The following HYAL4 variants were observed in gnomAD, a reference collection of about 807,000 sequenced individuals.
HYAL4 encodes hyaluronidase 4.
A neutral mutation model predicts 35.2 loss-of-function variants in HYAL4; 37 were observed. That is an observed-to-expected ratio of 1.05 (90% CI 0.81 to 1.38). The LOEUF (loss-of-function observed/expected upper bound fraction) is 1.38, where lower values mean the gene tolerates loss of function less well. HYAL4 is among the 40% of genes most tolerant of loss of function. HYAL4 has a pLI of 0.00. For missense variants in HYAL4, 572 were observed against 572.4 expected (o/e 1.00, Z 0.01); for synonymous variants, 198 against 203.2 (o/e 0.97, Z 0.22).
the HYAL4 span, among the ~76,000 whole-genome samples, chr7:123,778,735 C>T: frequency 1.7e-4 from 26 of 152,148 alleles, no homozygotes; most frequent in African/African-American, 6.3e-4. Flanking sequence ...GATTTTTGTA[C>T]TGTAAAATTT....
chr7:123,801,087 G>A, the HYAL4 span, among the ~76,000 whole-genome samples: 390 of 152,198 alleles, frequency 2.6e-3, 1 homozygote, highest in Non-Finnish European at 1.5e-3. Context: ...GGCCAAGGTG[G>A]GCTGATTGCT....
At chr7:123,813,820 G>A in the HYAL4 span, among the ~76,000 whole-genome samples, 10 of 152,280 alleles carry the variant, frequency 6.6e-5, no homozygotes, top group East Asian at 1.7e-3. Context: ...GTTCCTCTTA[G>A]AGCCAGTGAA....
intron 2 of HYAL4, among the ~76,000 whole-genome samples, chr7:123,862,419 T>C (rs1411943907): frequency 1.3e-5 from 2 of 152,178 alleles, no homozygotes; most frequent in African/African-American, 4.8e-5. Context: ...AGAAGACATG[T>C]AGATTTGGAA....
chr7:123,778,159 G>GTCTGTCTATCTATCTA, the HYAL4 span, among the ~76,000 whole-genome samples: 393 of 120,812 alleles, frequency 3.3e-3, 1 homozygote, highest in South Asian at 5.2e-3. Context: ...CTGTCTGTCT[G>GTCTGTCTATCTATCTA]TCTATCTATC....
At chr7:123,840,480 G>T (rs1053301899), upstream of HYAL4, among the ~76,000 whole-genome samples, 2 of 151,376 alleles carry the variant, frequency 1.3e-5, no homozygotes, top group African/African-American at 4.8e-5. Context: ...GCTCTTTTTT[G>T]GTTCCATATG....
intron 3 of HYAL4, among the ~76,000 whole-genome samples, chr7:123,873,072 T>C (rs1190989320): frequency 6.6e-6 from 1 of 152,168 alleles, no homozygotes; most frequent in African/African-American, 2.4e-5. Context: ...CAGGGAAGTT[T>C]CAAAGTGAGC....
chr7:123,798,304 C>T, the HYAL4 span, among the ~76,000 whole-genome samples: 1 of 152,112 alleles, frequency 6.6e-6, no homozygotes, highest in Non-Finnish European at 1.5e-5. Context: ...ATCAGAGCCT[C>T]CACCCTTCTA....
At chr7:123,874,880 T>C in intron 4 of HYAL4, 30 bp downstream of exon 4, 1 of 1,233,546 alleles carries the variant, frequency 8.1e-7, no homozygotes. Flanking sequence ...GTATATTTAA[T>C]GTTTTCTATT....
At chr7:123,778,390 A>G in the HYAL4 span, among the ~76,000 whole-genome samples, 8 of 152,274 alleles carry the variant, frequency 5.3e-5, no homozygotes, top group East Asian at 1.3e-3. Context: ...AATTTTGCCA[A>G]TTGACGGGGG....
the HYAL4 span, among the ~76,000 whole-genome samples, chr7:123,785,268 G>T: frequency 1.3e-5 from 2 of 152,032 alleles, no homozygotes; most frequent in Non-Finnish European, 2.9e-5. The surrounding 1 kb of genome is among the most constrained non-coding windows in gnomAD (Gnocchi z 4.5). Flanking sequence ...TTTATTATCT[G>T]TAGAGAAAAT....
At chr7:123,776,932 A>T in the HYAL4 span, among the ~76,000 whole-genome samples, 97 of 152,330 alleles carry the variant, frequency 6.4e-4, no homozygotes, top group Non-Finnish European at 1.2e-3. Flanking sequence ...GAAAGGATTG[A>T]TTGATTGTGA....
At chr7:123,797,276 G>A in the HYAL4 span, among the ~76,000 whole-genome samples, 1 of 152,092 alleles carries the variant, frequency 6.6e-6, no homozygotes, top group East Asian at 1.9e-4. Context: ...TTATAGAAAA[G>A]GTCTTCTATT....
the HYAL4 span, among the ~76,000 whole-genome samples, chr7:123,788,499 T>G: frequency 2.6e-5 from 4 of 152,180 alleles, no homozygotes; most frequent in African/African-American, 9.6e-5. Flanking sequence ...ATTTTAAAAT[T>G]CTGAGATCTA....
chr7:123,821,103 A>G, the HYAL4 span, among the ~76,000 whole-genome samples: 71 of 152,318 alleles, frequency 4.7e-4, 1 homozygote, highest in Middle Eastern at 0.014. Context: ...TAGTGCTGCA[A>G]TATACATGGG....
chr7:123,826,718 T>C (rs2116901775), upstream of HYAL4, among the ~76,000 whole-genome samples: 1 of 152,260 alleles, frequency 6.6e-6, no homozygotes, highest in African/African-American at 2.4e-5. Flanking sequence ...TAGAGAGAAA[T>C]ATATGTATGC....
rs2116973320 is a variant in HYAL4, at chr7:123,877,175, A to G, written c.*20A>G. 6.2e-7 allele frequency: 1 copy of G among 1,601,970 alleles called. No individual in the cohort carries two copies. Among genetic ancestry groups the G allele is most frequent in the Non-Finnish European group, 8.5e-7 (1 of 1,172,728 alleles). Reference sequence around the variant, plus strand: ...TTGTGAGATAATTGAGTTTAAAGGGAATTGTGTGGCCTCTAGCCTAGTCAT... The same window carrying G: ...TTGTGAGATAATTGAGTTTAAAGGGGATTGTGTGGCCTCTAGCCTAGTCAT... On this transcript the variant is annotated 3_prime_UTR_variant, in exon 5 of 5. Coordinates refer to ENST00000223026, the MANE Select transcript of HYAL4 (RefSeq NM_012269.3).
At chr7:123,826,552 T>C (rs915697737), upstream of HYAL4, among the ~76,000 whole-genome samples, 4 of 152,184 alleles carry the variant, frequency 2.6e-5, no homozygotes, top group African/African-American at 9.6e-5. Context: ...ACATGTAGTA[T>C]TCCAGTTGCT....
chr7:123,794,479 G>A, the HYAL4 span, among the ~76,000 whole-genome samples: 1 of 152,148 alleles, frequency 6.6e-6, no homozygotes, highest in Non-Finnish European at 1.5e-5. Context: ...TGTTTCCTGG[G>A]CCAGGCCCAT....
upstream of HYAL4, among the ~76,000 whole-genome samples, chr7:123,840,573 T>C (rs932334429): frequency 6.6e-6 from 1 of 152,066 alleles, no homozygotes; most frequent in African/African-American, 2.4e-5. Context: ...TAAATTACTT[T>C]GGGCAGTACG....
Sources: gnomAD v4.1 joint callset for allele counts (sites outside exome capture counted in the v4.1 genomes callset) on GRCh38, gnomAD v4.1.1 for gene constraint, Gnocchi (gnomAD v3.1) non-coding constraint, MANE v1.5 for transcripts, NCBI Gene and HGNC (gene_info 2026-07-23, HGNC 2026-07-21) for gene names.